CLDN16: variants seen among roughly 807,000 people sequenced by gnomAD.
The protein encoded by CLDN16 is claudin-16.
In CLDN16, 13 loss-of-function variants were observed where a neutral mutation model predicts 24.6. The ratio of observed to expected loss-of-function variants is 0.53; its 90% CI spans 0.34 to 0.84. CLDN16 has a LOEUF of 0.84. CLDN16 is among the 40% of genes least tolerant of loss of function. The pLI is 0.01. For missense variants in CLDN16, 298 were observed against 292.7 expected (o/e 1.02, Z -0.13); for synonymous variants, 116 against 106.7 (o/e 1.09, Z -0.54).
chr3:190,366,426 A>T (rs562493941), intron 1 of CLDN16, among the ~76,000 whole-genome samples: 4 of 151,956 alleles, frequency 2.6e-5, no homozygotes, highest in East Asian at 3.9e-4. Flanking sequence ...CTAACTTTTT[A>T]AAAAATCCCA....
chr3:190,299,533 T>C, the CLDN16 span, among the ~76,000 whole-genome samples: 1 of 131,200 alleles, frequency 7.6e-6, no homozygotes, highest in African/African-American at 2.9e-5. Context: ...AAATTTATTC[T>C]TCTGTATTTT....
At chr3:190,313,702 A>G in the CLDN16 span, among the ~76,000 whole-genome samples, 2 of 149,488 alleles carry the variant, frequency 1.3e-5, no homozygotes, top group Non-Finnish European at 2.9e-5. Flanking sequence ...ATTCAAAGAC[A>G]TCACTAGTTT....
At chr3:190,293,309 C>G in the CLDN16 span, among the ~76,000 whole-genome samples, 14 of 152,302 alleles carry the variant, frequency 9.2e-5, no homozygotes, top group Non-Finnish European at 2.1e-4. Context: ...TCTCCCACCA[C>G]GTCCCTCCCT....
Position 190,379,975 on chromosome 3 carries a change from G to GTCTATCTATTTATCTATCTATCTATCTA in CLDN16, n.306+5381_306+5382insTTATCTATCTATCTATCTATCTATCTAT, listed in dbSNP as rs60043315. 3.4e-3 allele frequency among the ~76,000 whole-genome samples: 507 copies of GTCTATCTATTTATCTATCTATCTATCTA among 149,100 alleles called. 4 individuals are homozygous for GTCTATCTATTTATCTATCTATCTATCTA. The highest frequency in any genetic ancestry group is 5.8e-3 in the East Asian group (29 of 4,966). ...TGATCTATCTATGTCTATCAACTCTGTCTATCTATCTATCTATCTATCTAT... is the reference window on the plus strand; with the variant it reads ...TGATCTATCTATGTCTATCAACTCTGTCTATCTATTTATCTATCTATCTATCTATCTATCTATCTATCTATCTATCTAT... On this transcript the variant is annotated intron_variant and non_coding_transcript_variant, in intron 3 of 4. Transcript: ENST00000468220.
chr3:190,323,027 C>CACACACACACACACACAG (rs1219134741), intron 1 of CLDN16, among the ~76,000 whole-genome samples: 1 of 149,966 alleles, frequency 6.7e-6, no homozygotes, highest in East Asian at 2.0e-4. Flanking sequence ...CACACACACA[C>CACACACACACACACACAG]AGACACACTC....
intron 1 of CLDN16, among the ~76,000 whole-genome samples, chr3:190,397,075 A>G (rs1174016382): frequency 6.6e-6 from 1 of 152,142 alleles, no homozygotes; most frequent in African/African-American, 2.4e-5. Context: ...GGTACCCAGA[A>G]TGACCAAGTT....
the CLDN16 span, among the ~76,000 whole-genome samples, chr3:190,304,572 T>C: frequency 6.6e-6 from 1 of 152,296 alleles, no homozygotes; most frequent in South Asian, 2.1e-4. Flanking sequence ...TCTGATTGCC[T>C]ATTTTTAGGA....
At chr3:190,374,695 A>C (rs1253680563) in intron 3 of CLDN16, 1 of 151,960 alleles carries the variant, frequency 6.6e-6, no homozygotes, top group African/African-American at 2.4e-5. Context: ...TTACTTCTTC[A>C]GTTTTCCATC....
At chr3:190,356,598 A>G (rs1717779643) in intron 1 of CLDN16, among the ~76,000 whole-genome samples, 2 of 151,912 alleles carry the variant, frequency 1.3e-5, no homozygotes, top group Admixed American at 6.6e-5. Flanking sequence ...ACTAAAACAT[A>G]TAAAATAATT....
At chr3:190,292,554 T>A in the CLDN16 span, among the ~76,000 whole-genome samples, 1 of 152,252 alleles carries the variant, frequency 6.6e-6, no homozygotes, top group African/African-American at 2.4e-5. Flanking sequence ...TTATTACTTA[T>A]GCAAATTTCT....
chr3:190,376,821 A>T (rs895033189), intron 3 of CLDN16, among the ~76,000 whole-genome samples: 2 of 151,954 alleles, frequency 1.3e-5, no homozygotes, highest in Non-Finnish European at 2.9e-5. Context: ...AAGCTATCTC[A>T]GGCAGTTCTT....
chr3:190,404,570 T>G (rs528955217), intron 2 of CLDN16, among the ~76,000 whole-genome samples, 192 bp from the exon 3 acceptor site: 12 of 152,180 alleles, frequency 7.9e-5, no homozygotes, highest in Non-Finnish European at 2.9e-5. Flanking sequence ...CAAGCAATAA[T>G]GTCAATAATC....
chr3:190,408,140 G>A (rs1193973289), intron 3 of CLDN16, among the ~76,000 whole-genome samples, 174 bp from the exon 4 acceptor site: 2 of 152,180 alleles, frequency 1.3e-5, no homozygotes, highest in African/African-American at 4.8e-5. Context: ...ATACAAGATG[G>A]AAGGCAAAAG....
chr3:190,409,960 G>T lies in CLDN16; in HGVS notation c.632G>T (p.Gly211Val). ...TTGAGGAAAGCCTATTCAGCCGCGG[G>T]TGTTTCCATGGCCAAGTCATACTCA... Reference protein sequence around the residue: ...YSLRKAYSAAGVSMAKSYSAP... With the variant: ...YSLRKAYSAAVVSMAKSYSAP... Residue 211 changes from glycine to valine, a missense_variant, in exon 5 of 5, where the codon GGT becomes GTT. Gly to Val is a moderately radical substitution (Grantham distance 109). Transcript: ENST00000264734. 1 of 1,613,970 alleles carries T rather than the reference G, an allele frequency of 6.2e-7. No individual in the cohort carries two copies. Among genetic ancestry groups the T allele is most frequent in the Non-Finnish European group, 8.5e-7 (1 of 1,179,914 alleles).
At position 190,410,218 on chromosome 3, in the gene CLDN16, G is replaced by A. The variant is rs571524553; in HGVS notation, c.*182G>A. ...CTTTCTATTACTCTTATATTTTCCC[G>A]TCATTCTCTCTGCTAACCTTCCACC... On this transcript the variant is annotated 3_prime_UTR_variant, in exon 5 of 5. Transcript: ENST00000264734. 32 of 684,000 alleles carry A rather than the reference G, an allele frequency of 4.7e-5. No homozygotes were observed. Among genetic ancestry groups the A allele is most frequent in the African/African-American group, 2.0e-4 (11 of 55,920 alleles). 42.4% of individuals were successfully genotyped at this position (684,000 alleles called of 1,614,324 possible). A position where few individuals can be genotyped will look rare whatever the true frequency, so the allele number is the denominator to read the frequency against.
chr3:190,390,974 A>G (rs186093789), intron 1 of CLDN16, among the ~76,000 whole-genome samples: 76 of 152,118 alleles, frequency 5.0e-4, no homozygotes, highest in Non-Finnish European at 7.9e-4. Flanking sequence ...TTTTGTAAGA[A>G]CAAGGACTTT....
chr3:190,349,029 G>T (rs778952899), intron 1 of CLDN16, among the ~76,000 whole-genome samples: 1 of 152,164 alleles, frequency 6.6e-6, no homozygotes, highest in Non-Finnish European at 1.5e-5. Context: ...ATATACCAGC[G>T]TGTATATGTA....
chr3:190,371,551 C>T (rs1204550484), intron 2 of CLDN16, among the ~76,000 whole-genome samples: 1 of 151,982 alleles, frequency 6.6e-6, no homozygotes, highest in Non-Finnish European at 1.5e-5. Flanking sequence ...CCCACTAATG[C>T]CTGCTCTTGA....
Position 190,327,642 on chromosome 3 carries a change from C to T in CLDN16, n.121+4981C>T, listed in dbSNP as rs114850893. 9.2e-3 allele frequency among the ~76,000 whole-genome samples: 1,396 copies of T among 152,312 alleles called. 31 individuals carry two copies. The highest frequency in any genetic ancestry group is 0.032 in the African/African-American group (1,340 of 41,560). On this transcript the variant is annotated intron_variant and non_coding_transcript_variant, in intron 1 of 4. Coordinates refer to the CLDN16 transcript ENST00000468220. ...CTTGATCCAGAAAGCTTATGTGGTA[C>T]GCTATCCTACACCTGAAGCAAATAT...
Sources: gnomAD v4.1 joint callset for allele counts (sites outside exome capture counted in the v4.1 genomes callset) on GRCh38, gnomAD v4.1.1 for gene constraint, MANE v1.5 for transcripts, NCBI Gene and HGNC (gene_info 2026-07-23, HGNC 2026-07-21) for gene names.